SPOCK1: variants seen among roughly 807,000 people sequenced by gnomAD.
SPOCK1 encodes the protein testican-1.
Under a neutral mutation model 55.3 loss-of-function variants are expected in SPOCK1, and 23 were observed. The observed-to-expected ratio is 0.42, with a 90% CI of 0.30 to 0.59. The LOEUF is 0.59. Ranked by LOEUF, SPOCK1 falls within the 20% of genes least tolerant of loss-of-function variation. The pLI, the probability that SPOCK1 is intolerant of heterozygous loss-of-function variation, is 0.22. For missense variants in SPOCK1, 499 were observed against 552.5 expected, an observed-to-expected ratio of 0.90 and a Z score of 0.97; for synonymous variants, 226 against 221.0, an observed-to-expected ratio of 1.02 and a Z score of -0.20.
chr5:137,435,146 T>C (rs1202088562), intron 2 of SPOCK1, among the ~76,000 whole-genome samples: 1 of 152,236 alleles, frequency 6.6e-6, no homozygotes, highest in African/African-American at 2.4e-5. Context: ...TACATTTAAT[T>C]TCTTTAAGTA....
chr5:137,335,457 T>A (rs979966364), intron 2 of SPOCK1, among the ~76,000 whole-genome samples: 2 of 152,258 alleles, frequency 1.3e-5, no homozygotes, highest in African/African-American at 2.4e-5. Context: ...TCCAAATTTT[T>A]ATCATGAATA....
intron 9 of SPOCK1, among the ~76,000 whole-genome samples, chr5:136,982,668 C>T (rs1750754479): frequency 1.3e-5 from 2 of 152,068 alleles, no homozygotes; most frequent in African/African-American, 2.4e-5. Context: ...TTCTCACTTC[C>T]CCCAATTGTC....
intron 2 of SPOCK1, among the ~76,000 whole-genome samples, chr5:137,289,616 AGAG>A (rs1467739460): frequency 6.6e-6 from 1 of 152,232 alleles, no homozygotes; most frequent in Non-Finnish European, 1.5e-5. Flanking sequence ...CTGCTCAACA[AGAG>A]GAGGAAAACC....
chr5:137,337,431 G>A (rs1750305062), intron 2 of SPOCK1, among the ~76,000 whole-genome samples: 1 of 152,126 alleles, frequency 6.6e-6, no homozygotes, highest in Admixed American at 6.5e-5. Context: ...CCACCTCCTA[G>A]GTATCCCTAC....
chr5:137,435,218 T>A (rs144595664), intron 2 of SPOCK1, among the ~76,000 whole-genome samples: 124 of 152,348 alleles, frequency 8.1e-4, no homozygotes, highest in African/African-American at 2.9e-3. Context: ...ATAAACTGAC[T>A]TACATTCACA....
chr5:137,339,625 T>G (rs1045404585), intron 2 of SPOCK1, among the ~76,000 whole-genome samples: 1 of 152,178 alleles, frequency 6.6e-6, no homozygotes, highest in African/African-American at 2.4e-5. Context: ...AGCTCCTTTT[T>G]TTTTCAATCA....
At chr5:137,221,690 G>C (rs777517849) in intron 3 of SPOCK1, among the ~76,000 whole-genome samples, 8 of 152,114 alleles carry the variant, frequency 5.3e-5, no homozygotes, top group African/African-American at 1.2e-4. Flanking sequence ...TGTTTAGACT[G>C]TAACTAAGTT....
chr5:137,488,252 C>T (rs1419047685), intron 2 of SPOCK1, among the ~76,000 whole-genome samples: 1 of 152,160 alleles, frequency 6.6e-6, no homozygotes, highest in Non-Finnish European at 1.5e-5. Flanking sequence ...TGGCGCATGA[C>T]TGTAGTCCCA....
At chr5:137,498,011 G>A (rs1754334782) in intron 2 of SPOCK1, among the ~76,000 whole-genome samples, 1 of 152,042 alleles carries the variant, frequency 6.6e-6, no homozygotes, top group Non-Finnish European at 1.5e-5. Flanking sequence ...CCGGAGCTAG[G>A]GAAAGTCTAC....
At chr5:137,126,819 ATT>A (rs1753790340) in intron 4 of SPOCK1, among the ~76,000 whole-genome samples, 2 of 152,126 alleles carry the variant, frequency 1.3e-5, no homozygotes, top group Admixed American at 1.3e-4. Flanking sequence ...ACTTGGCTGA[ATT>A]GTGTTCATGT....
chr5:137,497,439 G>A (rs1754322015), intron 2 of SPOCK1, among the ~76,000 whole-genome samples: 1 of 152,200 alleles, frequency 6.6e-6, no homozygotes, highest in South Asian at 2.1e-4. Flanking sequence ...AATTCCTAAT[G>A]TTAAGTACCA....
intron 2 of SPOCK1, among the ~76,000 whole-genome samples, chr5:137,494,543 G>A (rs1355707989): frequency 6.6e-6 from 1 of 152,122 alleles, no homozygotes; most frequent in African/African-American, 2.4e-5. Flanking sequence ...CTTAAACAGT[G>A]TCTGGCACAC....
At position 137,171,046 on chromosome 5, in the gene SPOCK1, G is replaced by T. The variant is rs550861429; in HGVS notation, c.233-30352C>A. On this transcript the variant is annotated intron_variant, in intron 3 of 10. Transcript: ENST00000394945. ...GGATATAAATACACATGTTCTAGGG[G>T]TTCCCAGTGGGGACAGTGTCCTATG... Among the ~76,000 whole-genome samples the T allele has an allele frequency of 3.3e-5, 5 of 152,198 alleles. No individual in the cohort carries two copies. The South Asian group carries it at 1.0e-3, about 32-fold the overall frequency.
intron 2 of SPOCK1, among the ~76,000 whole-genome samples, chr5:137,362,669 C>T (rs1750976935): frequency 6.6e-6 from 1 of 152,128 alleles, no homozygotes; most frequent in African/African-American, 2.4e-5. Context: ...AAATATTCTC[C>T]ACTTTGTGAG....
intron 6 of SPOCK1, among the ~76,000 whole-genome samples, chr5:137,001,705 G>A (rs1046617174): frequency 2.0e-5 from 3 of 152,298 alleles, no homozygotes; most frequent in South Asian, 2.1e-4. Flanking sequence ...TGGGAATAAT[G>A]TTTGTGGTGA....
intron 2 of SPOCK1, among the ~76,000 whole-genome samples, chr5:137,347,565 C>CA (rs1561511181): frequency 1.3e-5 from 2 of 152,004 alleles, no homozygotes; most frequent in Non-Finnish European, 2.9e-5. Flanking sequence ...ACTAAAAATA[C>CA]AAAAAATTAG....
intron 2 of SPOCK1, among the ~76,000 whole-genome samples, chr5:137,474,818 G>A (rs1333413055): frequency 6.6e-6 from 1 of 152,116 alleles, no homozygotes; most frequent in Non-Finnish European, 1.5e-5. Context: ...CTAACAAGGT[G>A]GGAGAGAGAT....
chr5:137,275,931 TCTC>T (rs1757058158), intron 2 of SPOCK1, among the ~76,000 whole-genome samples: 1 of 152,040 alleles, frequency 6.6e-6, no homozygotes, highest in South Asian at 2.1e-4. Context: ...CTCCACAATT[TCTC>T]CTCACAACAT....
chr5:136,997,615 C>T (rs1042042463), intron 6 of SPOCK1, among the ~76,000 whole-genome samples: 1 of 152,210 alleles, frequency 6.6e-6, no homozygotes, highest in Non-Finnish European at 1.5e-5. Context: ...TCAACCTTCA[C>T]GCTCTGGCCT....
Sources: allele counts gnomAD v4.1 joint callset (sites outside exome capture counted in the v4.1 genomes callset), GRCh38; gene constraint gnomAD v4.1.1; transcripts MANE v1.5; gene names NCBI Gene and HGNC (gene_info 2026-07-23, HGNC 2026-07-21).